Variants in PCDHGA9 observed in about 807,000 individuals in gnomAD.
PCDHGA9 encodes protocadherin gamma subfamily A, 9, also known as protocadherin gamma-A9.
Under a neutral mutation model 62.5 loss-of-function variants are expected in PCDHGA9, and 37 were observed. The observed-to-expected ratio is 0.59, with a 90% confidence interval of 0.46 to 0.78. The LOEUF (loss-of-function observed/expected upper bound fraction) is 0.78. PCDHGA9 is among the 30% of genes least tolerant of loss of function. The pLI, the probability that PCDHGA9 is intolerant of heterozygous loss-of-function variation, is 0.00. For missense variants in PCDHGA9, 1,138 were observed against 1,166.2 expected, an observed-to-expected ratio of 0.98 and a Z score of 0.35; for synonymous variants, 459 against 484.6, an observed-to-expected ratio of 0.95 and a Z score of 0.69.
At chr5:141,488,260 G>A (rs1297588710) in intron 1 of PCDHGA9, among the ~76,000 whole-genome samples, 2 of 152,182 alleles carry the variant, frequency 1.3e-5, no homozygotes, top group Non-Finnish European at 1.5e-5. Context: ...AGGTTGGGGC[G>A]GGTTGGTCAT....
intron 1 of PCDHGA9, among the ~76,000 whole-genome samples, chr5:141,460,612 T>C (rs1215147315): frequency 6.6e-6 from 1 of 152,128 alleles, no homozygotes; most frequent in African/African-American, 2.4e-5. Flanking sequence ...GTTAGATGGA[T>C]AGATAGACAG....
At position 141,403,707 on chromosome 5, in the gene PCDHGA9, T is replaced by C. The variant is rs2094445205; in HGVS notation, c.755T>C (p.Leu252Pro). The part of the protein sequence containing the change: ...FAQRIYRVKV[L>P]ENVPPGTWLL... ...CAACGGATTTACCGAGTTAAAGTCCTTGAGAACGTGCCCCCAGGCACCTGG... is the reference window on the plus strand; with the variant it reads ...CAACGGATTTACCGAGTTAAAGTCCCTGAGAACGTGCCCCCAGGCACCTGG... The change falls in exon 1 of 4, where the codon CTT (leucine) becomes CCT (proline). Residue 252 changes from leucine (L) to proline (P), a missense_variant. By Grantham distance (98) the Leu-to-Pro change is moderately conservative. Transcript: ENST00000573521. 2 of 1,613,778 alleles carry C rather than the reference T, an allele frequency of 1.2e-6. No individual in the cohort carries two copies. Among genetic ancestry groups the C allele is most frequent in the African/African-American group, 2.7e-5 (2 of 74,934 alleles).
At chr5:141,409,741 G>A in intron 1 of PCDHGA9, 2 of 1,613,122 alleles carry the variant, frequency 1.2e-6, no homozygotes, top group Non-Finnish European at 1.7e-6. Context: ...AGAGCGGGGT[G>A]GTGTTCGCGC....
intron 1 of PCDHGA9, chr5:141,419,386 G>T: frequency 2.5e-6 from 4 of 1,613,650 alleles, no homozygotes; most frequent in Non-Finnish European, 3.4e-6. Context: ...CCGTGAGCGC[G>T]CAGAGCGGGG....
Position 141,490,509 on chromosome 5 carries a change from G to A in PCDHGA9, c.2425-4298G>A. 6.2e-7 allele frequency: 1 copy of A among 1,614,072 alleles called. No individual in the cohort carries two copies. On this transcript the variant is annotated intron_variant, in intron 1 of 3. Transcript: ENST00000573521. The surrounding 1 kb of genome is among the most constrained non-coding windows in gnomAD (Gnocchi z 5.4). ...AGGCCACATCCCACTATATCATCGA[G>A]CTGCTGGCCAGCGATGCTGGTTCAC...
chr5:141,480,955 G>A (rs2154578440), intron 1 of PCDHGA9, among the ~76,000 whole-genome samples: 1 of 152,304 alleles, frequency 6.6e-6, no homozygotes, highest in South Asian at 2.1e-4. Context: ...TGAGGCGGAA[G>A]CATCAGTGAG....
At chr5:141,427,840 A>C (rs779622800) in intron 1 of PCDHGA9, 8 of 1,548,180 alleles carry the variant, frequency 5.2e-6, no homozygotes, top group Admixed American at 3.3e-5. Flanking sequence ...CGTGCCTTCG[A>C]CCACGAGCAG....
chr5:141,456,698 C>T (rs1466672057), intron 1 of PCDHGA9, among the ~76,000 whole-genome samples: 1 of 152,132 alleles, frequency 6.6e-6, no homozygotes, highest in Non-Finnish European at 1.5e-5. Flanking sequence ...GGCGTGGTGG[C>T]TCGCGCCTGT....
chr5:141,482,574 A>C (rs1294997781), intron 1 of PCDHGA9, among the ~76,000 whole-genome samples: 2 of 151,592 alleles, frequency 1.3e-5, no homozygotes, highest in Non-Finnish European at 2.9e-5. Context: ...GCATAGCATA[A>C]GATGCAGTGG....
intron 1 of PCDHGA9, among the ~76,000 whole-genome samples, chr5:141,445,077 T>C (rs778919022): frequency 5.9e-5 from 9 of 152,242 alleles, no homozygotes; most frequent in Non-Finnish European, 1.2e-4. Flanking sequence ...CTCATTAAAT[T>C]GTCCCTACAT....
intron 1 of PCDHGA9, among the ~76,000 whole-genome samples, chr5:141,483,997 T>G (rs2099590025): frequency 8.6e-5 from 6 of 69,516 alleles, no homozygotes; most frequent in East Asian, 4.4e-4. Context: ...TGCTGGGAGG[T>G]CTGGATGAGG....
Position 141,467,771 on chromosome 5 carries a change from A to G in PCDHGA9, c.2425-27036A>G, listed in dbSNP as rs542500016. Among the ~76,000 whole-genome samples, 11 of 151,422 alleles carry G rather than the reference A, an allele frequency of 7.3e-5. No individual in the cohort carries two copies. The South Asian group carries it at 2.3e-3, about 32-fold the overall frequency. On this transcript the variant is annotated intron_variant, in intron 1 of 3. Transcript: ENST00000573521. Reference sequence around the variant, plus strand: ...CCGCCTCACATGCTCAAGTGCCCGCACCTCAGCCTCTCAAGTAGCTGGGAC... The same window carrying G: ...CCGCCTCACATGCTCAAGTGCCCGCGCCTCAGCCTCTCAAGTAGCTGGGAC...
chr5:141,500,184 T>TTTTATTTATTTATTTATTTA (rs58019021), intron 2 of PCDHGA9, among the ~76,000 whole-genome samples: 1 of 135,886 alleles, frequency 7.4e-6, no homozygotes, highest in African/African-American at 2.7e-5. Flanking sequence ...TCATTTTTAT[T>TTTTATTTATTTATTTATTTA]TTTATTTATT....
intron 2 of PCDHGA9, among the ~76,000 whole-genome samples, chr5:141,501,821 G>A (rs910825533): frequency 1.3e-5 from 2 of 152,028 alleles, no homozygotes; most frequent in Non-Finnish European, 2.9e-5. Context: ...ATAATTGGCA[G>A]CCCACCCACC....
intron 1 of PCDHGA9, chr5:141,412,461 A>G (rs184499850): frequency 3.4e-4 from 52 of 152,338 alleles, no homozygotes; most frequent in African/African-American, 1.2e-3. Flanking sequence ...ACTATTCTAG[A>G]AGAGTACTTT....
intron 2 of PCDHGA9, among the ~76,000 whole-genome samples, chr5:141,505,117 G>A (rs575627148): frequency 1.8e-4 from 27 of 152,226 alleles, no homozygotes; most frequent in African/African-American, 3.6e-4. Context: ...AGCCAAGATC[G>A]CGCCACTGCA....
Position 141,490,924 on chromosome 5 carries a change from C to A in PCDHGA9, c.2425-3883C>A. 1 of 1,613,680 alleles carries A rather than the reference C, an allele frequency of 6.2e-7. No individual in the cohort carries two copies. Among genetic ancestry groups the A allele is most frequent in the Non-Finnish European group, 8.5e-7 (1 of 1,179,694 alleles). On this transcript the variant is annotated intron_variant, in intron 1 of 3. Coordinates refer to ENST00000573521, the MANE Select transcript of PCDHGA9 (RefSeq NM_018921.3). The surrounding 1 kb of genome is among the most constrained non-coding windows in gnomAD (Gnocchi z 5.4). ...TGTCCTAGACGAGAATGATAATGCC[C>A]CAGCTGTGCTGCACCCACGGCCAGA...
intron 1 of PCDHGA9, chr5:141,422,319 TAC>T: frequency 6.5e-7 from 1 of 1,548,220 alleles, no homozygotes; most frequent in Admixed American, 2.1e-5. Flanking sequence ...CTCCTCCAGG[TAC>T]AGTGATTGCT....
chr5:141,427,905 A>G (rs754321006), intron 1 of PCDHGA9: 1 of 1,574,682 alleles, frequency 6.4e-7, no homozygotes, highest in South Asian at 1.1e-5. Context: ...GCCCGCGCTC[A>G]GCGCCAACAT....
Sources: gnomAD v4.1 joint callset for allele counts (sites outside exome capture counted in the v4.1 genomes callset) on GRCh38, gnomAD v4.1.1 for gene constraint, Gnocchi (gnomAD v3.1) non-coding constraint, MANE v1.5 for transcripts, NCBI Gene and HGNC (gene_info 2026-07-23, HGNC 2026-07-21) for gene names.